Variants in PPFIA2 observed in about 807,000 individuals in gnomAD.
The protein encoded by PPFIA2 is PPFI scaffold protein A2.
In PPFIA2, 46 loss-of-function variants were observed where a neutral mutation model predicts 175.5. The observed-to-expected ratio is 0.26, with a 90% CI of 0.21 to 0.34. The LOEUF is 0.34. PPFIA2 is among the 10% of genes least tolerant of loss of function. The pLI is 1.00. For missense variants in PPFIA2, 1,179 were observed against 1,506.1 expected (o/e 0.78, Z 3.60); for synonymous variants, 568 against 511.4 (o/e 1.11, Z -1.49).
At chr12:81,558,361 C>G (rs934611167) in intron 4 of PPFIA2, among the ~76,000 whole-genome samples, 1 of 152,196 alleles carries the variant, frequency 6.6e-6, no homozygotes, top group Non-Finnish European at 1.5e-5. Context: ...TCAGTAGTTA[C>G]TGTGATCTAC....
At chr12:81,646,335 C>G (rs1301321383) in intron 4 of PPFIA2, among the ~76,000 whole-genome samples, 1 of 152,080 alleles carries the variant, frequency 6.6e-6, no homozygotes, top group African/African-American at 2.4e-5. Flanking sequence ...ACCCTAGACC[C>G]TCTAGAGAAC....
intron 4 of PPFIA2, among the ~76,000 whole-genome samples, chr12:81,503,218 A>T (rs1433088661): frequency 6.6e-6 from 1 of 152,072 alleles, no homozygotes. Flanking sequence ...TGATTTTTTT[A>T]AATTTTTTTA....
chr12:81,534,695 T>A (rs1849751320), intron 4 of PPFIA2, among the ~76,000 whole-genome samples: 1 of 151,668 alleles, frequency 6.6e-6, no homozygotes, highest in African/African-American at 2.4e-5. Flanking sequence ...CAAGCACACT[T>A]GATATACATC....
intron 8 of PPFIA2, among the ~76,000 whole-genome samples, chr12:81,384,490 CTCTA>C (rs1223965370): frequency 1.3e-5 from 2 of 151,946 alleles, no homozygotes; most frequent in African/African-American, 4.8e-5. Flanking sequence ...GCTATGCTCT[CTCTA>C]TATATAAAAC....
chr12:81,349,776 A>T (rs1361918874), intron 17 of PPFIA2, among the ~76,000 whole-genome samples: 1 of 152,156 alleles, frequency 6.6e-6, no homozygotes, highest in Non-Finnish European at 1.5e-5. Context: ...GTTTAATTTA[A>T]CAGACAATAG....
chr12:81,420,065 T>C (rs563419141), intron 7 of PPFIA2, among the ~76,000 whole-genome samples: 2 of 152,276 alleles, frequency 1.3e-5, no homozygotes, highest in East Asian at 3.9e-4. Context: ...CCTCAGCTGA[T>C]GGAACTACCT....
In PPFIA2 at chr12:81,344,269, G is replaced by T. The variant is rs147425038; in HGVS notation, c.2262+395C>A. On this transcript the variant is annotated intron_variant, in intron 19 of 32. Transcript: ENST00000549396. ...TTTTTTGACAGCTTTCTCCCAATCT[G>T]TTGTCCTCACCCTATCAAAATAATA... 6.9e-3 allele frequency among the ~76,000 whole-genome samples: 1,051 copies of T among 151,650 alleles called. 5 individuals carry two copies. The highest frequency in any genetic ancestry group is 0.02 in the Middle Eastern group (6 of 294).
intron 4 of PPFIA2, among the ~76,000 whole-genome samples, chr12:81,481,786 C>T (rs550608157): frequency 6.6e-6 from 1 of 152,098 alleles, no homozygotes; most frequent in Non-Finnish European, 1.5e-5. Context: ...ACCATAAAAA[C>T]CCTAGAAGAA....
At chr12:81,398,811 G>A (rs768151564) in intron 8 of PPFIA2, among the ~76,000 whole-genome samples, 8 of 152,188 alleles carry the variant, frequency 5.3e-5, no homozygotes, top group East Asian at 1.9e-4. Flanking sequence ...GGTAAAGAGC[G>A]TCTCTGGAAA....
At chr12:81,329,943 C>A (rs2055752999) in intron 21 of PPFIA2, among the ~76,000 whole-genome samples, 1 of 152,170 alleles carries the variant, frequency 6.6e-6, no homozygotes, top group Non-Finnish European at 1.5e-5. Flanking sequence ...CAGAGGGAGT[C>A]TTAAAATTTT....
intron 4 of PPFIA2, among the ~76,000 whole-genome samples, chr12:81,636,352 G>A (rs2064034566): frequency 7.0e-6 from 1 of 142,790 alleles, no homozygotes; most frequent in African/African-American, 2.6e-5. Flanking sequence ...TGCAAGCTCC[G>A]CCTCCCGGGT....
Position 81,445,685 on chromosome 12 carries a change from T to A in PPFIA2, c.441A>T (p.Arg147=), listed in dbSNP as rs2051120494. ...CCGTCATTCTTAGTGATCTTTCATG[T>A]CGTGACACAAGGCACTCCAAATGCT... ...LLEHLECLVS[R]HERSLRMTVV... is the part of the protein sequence containing the mutation. Residue 147 remains arginine (R), a synonymous_variant, in exon 6 of 33, where the codon CGA becomes CGT. Coordinates refer to ENST00000549396, the MANE Select transcript of PPFIA2 (RefSeq NM_003625.5). 1.9e-6 allele frequency: 3 copies of A among 1,613,816 alleles called. No individual in the cohort carries two copies.
At chr12:81,607,838 G>C (rs1052870321) in intron 4 of PPFIA2, among the ~76,000 whole-genome samples, 2 of 151,998 alleles carry the variant, frequency 1.3e-5, no homozygotes, top group Non-Finnish European at 2.9e-5. Flanking sequence ...ATGTCAAATA[G>C]GCGTGGTGAG....
At chr12:81,458,792 AAT>A (rs1462480490) in intron 4 of PPFIA2, among the ~76,000 whole-genome samples, 1 of 152,170 alleles carries the variant, frequency 6.6e-6, no homozygotes, top group Non-Finnish European at 1.5e-5. Flanking sequence ...TATTTTTTTA[AAT>A]ATAGTAAATA....
chr12:81,583,287 T>A (rs1382557826), intron 4 of PPFIA2, among the ~76,000 whole-genome samples: 2 of 151,946 alleles, frequency 1.3e-5, no homozygotes, highest in Admixed American at 1.3e-4. Context: ...TAAAGCCATT[T>A]GATGTAAATT....
intron 24 of PPFIA2, chr12:81,292,595 G>T (rs376408730): frequency 2.6e-5 from 4 of 151,912 alleles, no homozygotes; most frequent in Admixed American, 1.3e-4. Context: ...TTTATTGTAC[G>T]AATGGAGCAT....
chr12:81,501,552 C>T lies in PPFIA2; in HGVS notation c.304-43686G>A, dbSNP rs564216381. Among the ~76,000 whole-genome samples, 30 of 152,152 alleles carry T rather than the reference C, an allele frequency of 2.0e-4. No homozygotes were observed. In the South Asian group the frequency reaches 6.0e-3, roughly 30 times the overall value. On this transcript the variant is annotated intron_variant, in intron 4 of 32. Coordinates refer to ENST00000549396, the MANE Select transcript of PPFIA2 (RefSeq NM_003625.5). The stretch of plus-strand genomic sequence containing the variant: ...TACAGAGCCTTAAAAGTACCTGGCA[C>T]TTACTAGATTACCAAAACACATTTA...
chr12:81,384,048 G>C lies in PPFIA2; in HGVS notation c.959C>G (p.Thr320Ser). 2 of 1,612,256 alleles carry C rather than the reference G, an allele frequency of 1.2e-6. No individual in the cohort carries two copies. The highest frequency in any genetic ancestry group is 1.7e-6 in the Non-Finnish European group (2 of 1,178,842). ...CTCCCTAATGTCCCTTTGATACTTG[G>C]TGTTCATTTCTTCTGTTTTAATGAG... is the stretch of plus-strand genomic sequence containing the variant. ...KDLIKTEEMN[T>S]KYQRDIREAM... Residue 320 changes from threonine (T) to serine (S), a missense_variant, in exon 9 of 33, where the codon ACC becomes AGC. Around this residue, in one of 10 missense-constraint regions of PPFIA2, gnomAD observed 226 missense variants for 216.6 expected, o/e 1.04. Coordinates refer to ENST00000549396, the MANE Select transcript of PPFIA2 (RefSeq NM_003625.5).
At chr12:81,305,169 C>T (rs1298760441) in intron 22 of PPFIA2, among the ~76,000 whole-genome samples, 1 of 151,938 alleles carries the variant, frequency 6.6e-6, no homozygotes, top group Non-Finnish European at 1.5e-5. Context: ...ACTTAATTTT[C>T]CCATATTTGA....
Sources: gnomAD v4.1 joint callset for allele counts (sites outside exome capture counted in the v4.1 genomes callset) on GRCh38, gnomAD v4.1.1 for gene constraint, gnomAD v4.1.1 regional missense constraint, MANE v1.5 for transcripts, NCBI Gene and HGNC (gene_info 2026-07-23, HGNC 2026-07-21) for gene names.